Variants in CEACAM5 observed in about 807,000 individuals in gnomAD.
CEACAM5 encodes the protein CEA cell adhesion molecule 5.
A neutral mutation model predicts 63.0 loss-of-function variants in CEACAM5; 52 were observed. That is an observed-to-expected ratio of 0.83 (90% CI 0.66 to 1.04). The LOEUF (loss-of-function observed/expected upper bound fraction) is 1.04, where lower values mean the gene tolerates loss of function less well. Ranked by LOEUF, CEACAM5 falls within the 50% of genes least tolerant of loss-of-function variation. The pLI, the probability that CEACAM5 is intolerant of heterozygous loss-of-function variation, is 0.00. For missense variants in CEACAM5, 790 were observed against 864.8 expected, an observed-to-expected ratio of 0.91 and a Z score of 1.08; for synonymous variants, 357 against 351.3, an observed-to-expected ratio of 1.02 and a Z score of -0.18.
chr19:41,709,321 G>A (rs569702888), intron 1 of CEACAM5, among the ~76,000 whole-genome samples: 2 of 152,182 alleles, frequency 1.3e-5, no homozygotes, highest in Non-Finnish European at 2.9e-5. Flanking sequence ...GCCCTGGAGG[G>A]AATAGAGCAG....
intron 8 of CEACAM5, among the ~76,000 whole-genome samples, chr19:41,724,918 T>C (rs2072676804): frequency 6.6e-6 from 1 of 152,208 alleles, no homozygotes; most frequent in African/African-American, 2.4e-5. Flanking sequence ...ACACAGATCA[T>C]TTTACTTCTT....
At chr19:41,711,562 G>A (rs534325231) in intron 2 of CEACAM5, among the ~76,000 whole-genome samples, 3 of 152,174 alleles carry the variant, frequency 2.0e-5, no homozygotes, top group African/African-American at 4.8e-5. Flanking sequence ...CCCCTGTCCC[G>A]AAAGCCACCC....
At chr19:41,710,126 GC>G in intron 2 of CEACAM5, 87 bp downstream of exon 2, 1 of 1,535,658 alleles carries the variant, frequency 6.5e-7, no homozygotes, top group South Asian at 1.3e-5. Context: ...TGTGCCTGTG[GC>G]CCCCTCTGCA....
In CEACAM5 at chr19:41,717,436, C is replaced by T. The variant is rs10407288; in HGVS notation, c.959-19C>T. ...CACAGGTGCCACACAGGGCAATCTT[C>T]TCTCTGTTATCTGCACAGCAGAGCC... On this transcript the variant is annotated intron_variant, in intron 4 of 9. Coordinates refer to ENST00000221992, the MANE Select transcript of CEACAM5 (RefSeq NM_004363.6). 13,154 of 1,603,540 alleles carry T rather than the reference C, an allele frequency of 8.2e-3. 958 individuals are homozygous for T. The African/African-American group carries it at 0.16, about 19-fold the overall frequency.
chr19:41,720,142 T>C lies in CEACAM5; in HGVS notation c.1705T>C (p.Tyr569His). The change falls in exon 7 of 10, where the codon TAT becomes CAT. Residue 569 changes from tyrosine to histidine, a missense_variant. Coordinates refer to ENST00000221992, the MANE Select transcript of CEACAM5 (RefSeq NM_004363.6). ...TGTCACAAGAAATGACGCAAGAGCC[T>C]ATGTATGTGGAATCCAGAACTCAGT... ...FNVTRNDARAYVCGIQNSVSA... is the reference protein window; with the variant it reads ...FNVTRNDARAHVCGIQNSVSA... 1 of 1,614,238 alleles carries C rather than the reference T, an allele frequency of 6.2e-7. No homozygotes were observed. Among genetic ancestry groups the C allele is most frequent in the Non-Finnish European group, 8.5e-7 (1 of 1,180,042 alleles).
chr19:41,709,566 ACT>A (rs1555813500), intron 1 of CEACAM5, 112 bp from the exon 2 acceptor site: 27 of 1,434,380 alleles, frequency 1.9e-5, no homozygotes, highest in Middle Eastern at 2.3e-4. Flanking sequence ...ACACACACAC[ACT>A]CACTCACTCC....
At position 41,721,135 on chromosome 19, in the gene CEACAM5, C is replaced by T; in HGVS notation, c.1985C>T (p.Thr662Ile). ...TYACFVSNLA[T>I]GRNNSIVKSI... Reference sequence around the variant, plus strand: ...GCCTGTTTTGTCTCTAACTTGGCTACTGGCCGCAATAATTCCATAGTCAAG... The same window carrying T: ...GCCTGTTTTGTCTCTAACTTGGCTATTGGCCGCAATAATTCCATAGTCAAG... Residue 662 changes from threonine (T) to isoleucine (I), a missense_variant, in exon 8 of 10, where the codon ACT (threonine) becomes ATT (isoleucine). By Grantham distance (89) the Thr-to-Ile change is moderately conservative (BLOSUM62 -1). Transcript: ENST00000221992. 1 of 1,614,208 alleles carries T rather than the reference C, an allele frequency of 6.2e-7. No individual in the cohort carries two copies. Among genetic ancestry groups the T allele is most frequent in the Non-Finnish European group, 8.5e-7 (1 of 1,180,038 alleles).
At position 41,717,145 on chromosome 19, in the gene CEACAM5, C is replaced by G. The variant is rs537409058; in HGVS notation, c.959-310C>G. Among the ~76,000 whole-genome samples, 203 of 152,252 alleles carry G rather than the reference C, an allele frequency of 1.3e-3. 2 individuals carry two copies. Among genetic ancestry groups the G allele is most frequent in the African/African-American group, 4.8e-3 (200 of 41,486 alleles). ...GTGAGGACCCCAATGGGCCAGGCAG[C>G]CAGCCAGTCAGGAAAGGACCAGAAG... On this transcript the variant is annotated intron_variant, in intron 4 of 9. Transcript: ENST00000221992.
At chr19:41,728,566 G>A (rs139021972) in intron 9 of CEACAM5, among the ~76,000 whole-genome samples, 120 of 152,136 alleles carry the variant, frequency 7.9e-4, no homozygotes, top group African/African-American at 2.7e-3. Flanking sequence ...AGGCCAAGGC[G>A]GACGGATCAG....
In CEACAM5 at chr19:41,709,731, A is replaced by G; in HGVS notation, c.116A>G (p.Glu39Gly). 1 of 1,614,114 alleles carries G rather than the reference A, an allele frequency of 6.2e-7. No homozygotes were observed. Residue 39 changes from glutamate to glycine, a missense_variant, in exon 2 of 10, where the codon GAA (glutamate) becomes GGA (glycine). Physicochemically the swap from Glu to Gly is moderately conservative, Grantham distance 98. Transcript: ENST00000221992. ...CCCACCACTGCCAAGCTCACTATTG[A>G]ATCCACGCCGTTCAATGTCGCAGAG... is the stretch of plus-strand genomic sequence containing the variant. ...NPPTTAKLTI[E>G]STPFNVAEGK...
At chr19:41,716,856 A>C (rs925240237) in intron 4 of CEACAM5, among the ~76,000 whole-genome samples, 6 of 151,890 alleles carry the variant, frequency 4.0e-5, no homozygotes, top group Admixed American at 3.3e-4. Context: ...TACCCACAGG[A>C]CTCTTTTCTT....
chr19:41,709,603 C>G, intron 1 of CEACAM5, 77 bp from the exon 2 acceptor site: 1 of 1,550,706 alleles, frequency 6.4e-7, no homozygotes, highest in Non-Finnish European at 8.7e-7. Context: ...AAGAGACCTG[C>G]TCAGGACCCA....
chr19:41,728,884 T>A (rs1381265301), intron 9 of CEACAM5, among the ~76,000 whole-genome samples: 2 of 150,878 alleles, frequency 1.3e-5, no homozygotes, highest in Non-Finnish European at 2.9e-5. Flanking sequence ...CACCAGGAAA[T>A]TAGGAATCTA....
intron 2 of CEACAM5, among the ~76,000 whole-genome samples, chr19:41,710,659 TA>T (rs1241943531): frequency 2.1e-5 from 3 of 145,952 alleles, no homozygotes; most frequent in Non-Finnish European, 2.9e-5. Flanking sequence ...TAGACAAGGT[TA>T]TTAGGGTGTC....
chr19:41,709,021 C>T (rs1230934182), intron 1 of CEACAM5, among the ~76,000 whole-genome samples: 1 of 152,336 alleles, frequency 6.6e-6, no homozygotes, highest in South Asian at 2.1e-4. Context: ...CTGGCCACTA[C>T]GTTTTTAAAA....
chr19:41,728,803 A>AAAAAAAG (rs1230457032), intron 9 of CEACAM5, among the ~76,000 whole-genome samples: 1 of 151,392 alleles, frequency 6.6e-6, no homozygotes, highest in African/African-American at 2.4e-5. Context: ...AAAAAAAAAA[A>AAAAAAAG]AAGAATTGCC....
intron 2 of CEACAM5, among the ~76,000 whole-genome samples, chr19:41,713,235 G>A (rs569269755): frequency 1.2e-4 from 18 of 152,218 alleles, no homozygotes; most frequent in Middle Eastern, 3.4e-3. Context: ...AACCCGGGAG[G>A]TGGAGGTTGC....
chr19:41,710,736 A>T (rs1168660838), intron 2 of CEACAM5, among the ~76,000 whole-genome samples: 1 of 152,180 alleles, frequency 6.6e-6, no homozygotes, highest in East Asian at 1.9e-4. Flanking sequence ...AGAGGAACAG[A>T]GGAGAGAAGA....
intron 2 of CEACAM5, among the ~76,000 whole-genome samples, chr19:41,714,487 T>C (rs1194269581): frequency 1.3e-5 from 2 of 152,198 alleles, no homozygotes; most frequent in South Asian, 2.1e-4. Flanking sequence ...CTGCACAATA[T>C]GTACAGGGTT....
Sources: allele counts gnomAD v4.1 joint callset (sites outside exome capture counted in the v4.1 genomes callset), GRCh38; gene constraint gnomAD v4.1.1; transcripts MANE v1.5; gene names NCBI Gene and HGNC (gene_info 2026-07-23, HGNC 2026-07-21).